Variants in C9orf85 observed in about 807,000 individuals in gnomAD.
C9orf85 encodes the protein uncharacterized protein C9orf85.
In C9orf85, 16 loss-of-function variants were observed where a neutral mutation model predicts 14.9. The observed-to-expected ratio is 1.08, with a 90% CI of 0.73 to 1.63. C9orf85 has a LOEUF of 1.63. Among genes scored for constraint, C9orf85 ranks in the 40% most tolerant of loss-of-function variants. The pLI, the probability that C9orf85 is intolerant of heterozygous loss-of-function variation, is 0.00. For missense variants in C9orf85, 172 were observed against 186.1 expected, an observed-to-expected ratio of 0.92 and a Z score of 0.44; for synonymous variants, 45 against 56.8, an observed-to-expected ratio of 0.79 and a Z score of 0.93.
chr9:71,918,505 C>A (rs557179631), intron 1 of C9orf85: 1 of 1,201,256 alleles, frequency 8.3e-7, no homozygotes, highest in Non-Finnish European at 1.1e-6. Context: ...ACCCCCGCAT[C>A]GGTCCATGGC....
chr9:71,922,936 T>C (rs1827850637), intron 1 of C9orf85, among the ~76,000 whole-genome samples: 1 of 152,224 alleles, frequency 6.6e-6, no homozygotes, highest in African/African-American at 2.4e-5. Flanking sequence ...GAGACCAGCC[T>C]GGCCAACATA....
chr9:71,927,309 A>G (rs1394536516), intron 1 of C9orf85, among the ~76,000 whole-genome samples: 1 of 151,644 alleles, frequency 6.6e-6, no homozygotes, highest in Non-Finnish European at 1.5e-5. Flanking sequence ...GGTGTACTCC[A>G]GAATATAAAA....
intron 1 of C9orf85, among the ~76,000 whole-genome samples, chr9:71,926,054 A>G (rs1404817571): frequency 6.6e-6 from 1 of 152,222 alleles, no homozygotes; most frequent in African/African-American, 2.4e-5. Flanking sequence ...CTTAGAAGCA[A>G]AATGCTTCCT....
chr9:71,983,126 G>C (rs1823133800), exon 4 of C9orf85: 1 of 152,138 alleles, frequency 6.6e-6, no homozygotes, highest in Non-Finnish European at 1.5e-5. Flanking sequence ...CTCCCGAGTA[G>C]CTGGGATTAC....
intron 2 of C9orf85, among the ~76,000 whole-genome samples, chr9:71,960,917 T>G (rs1488553519): frequency 7.3e-5 from 11 of 151,660 alleles, no homozygotes; most frequent in Non-Finnish European, 1.2e-4. Flanking sequence ...CAAATTGTTT[T>G]TTTTTTTTTT....
intron 1 of C9orf85, among the ~76,000 whole-genome samples, chr9:71,913,511 C>T (rs535596681): frequency 7.9e-5 from 12 of 152,280 alleles, no homozygotes; most frequent in Admixed American, 7.2e-4. Flanking sequence ...GCTCTCCTTT[C>T]CCCCACTTAG....
At chr9:71,963,516 C>T (rs1438747807) in intron 2 of C9orf85, among the ~76,000 whole-genome samples, 3 of 152,198 alleles carry the variant, frequency 2.0e-5, no homozygotes, top group East Asian at 1.9e-4. Context: ...AGCCAGCTCC[C>T]GCAGCTTGCA....
intron 3 of C9orf85, among the ~76,000 whole-genome samples, chr9:71,980,174 C>T (rs57863172): frequency 2.6e-5 from 4 of 151,880 alleles, no homozygotes; most frequent in Non-Finnish European, 4.4e-5. Flanking sequence ...CCACCATGCC[C>T]GGCTAATTTT....
intron 2 of C9orf85, among the ~76,000 whole-genome samples, chr9:71,961,773 T>G (rs189602721): frequency 1.6e-4 from 25 of 152,294 alleles, no homozygotes; most frequent in Middle Eastern, 3.4e-3. Context: ...GCCTCTCCAG[T>G]TCATGAGGAC....
chr9:71,972,313 G>A (rs561649309), intron 3 of C9orf85, among the ~76,000 whole-genome samples: 12 of 152,050 alleles, frequency 7.9e-5, no homozygotes, highest in Admixed American at 2.6e-4. Context: ...AGGCTAGAGT[G>A]CAATGGCACG....
At chr9:71,976,718 A>G (rs1166217166), downstream of C9orf85, among the ~76,000 whole-genome samples, 1 of 101,724 alleles carries the variant, frequency 9.8e-6, no homozygotes, top group African/African-American at 3.2e-5. Flanking sequence ...GGTCTGGAAT[A>G]TAGCCCAGGA....
downstream of C9orf85, among the ~76,000 whole-genome samples, chr9:71,975,659 C>T (rs555245974): frequency 8.2e-4 from 125 of 152,152 alleles, no homozygotes; most frequent in Non-Finnish European, 1.6e-3. Flanking sequence ...ACAGAGAAAC[C>T]CCATCTCTAC....
chr9:71,954,539 A>G (rs1822335424), intron 2 of C9orf85, among the ~76,000 whole-genome samples: 1 of 152,176 alleles, frequency 6.6e-6, no homozygotes, highest in African/African-American at 2.4e-5. Flanking sequence ...GATATGCTAA[A>G]CAAGGGGTGG....
intron 1 of C9orf85, among the ~76,000 whole-genome samples, chr9:71,937,750 T>A (rs1589254373): frequency 6.6e-6 from 1 of 152,262 alleles, no homozygotes; most frequent in East Asian, 1.9e-4. Flanking sequence ...TCACCTATAC[T>A]TTAGATATCT....
chr9:71,956,415 A>G (rs867482429), intron 2 of C9orf85, among the ~76,000 whole-genome samples: 1 of 151,768 alleles, frequency 6.6e-6, no homozygotes, highest in African/African-American at 2.4e-5. Context: ...ACGCTCAGCT[A>G]ATTTTGTATT....
chr9:71,944,152 T>G (rs1440060877), intron 1 of C9orf85, among the ~76,000 whole-genome samples: 1 of 151,346 alleles, frequency 6.6e-6, no homozygotes, highest in African/African-American at 2.4e-5. Flanking sequence ...GAGGATTGCA[T>G]GAACCCAGGA....
chr9:71,971,741 A>C (rs2132362046), intron 3 of C9orf85, 123 bp downstream of exon 3: 1 of 584,826 alleles, frequency 1.7e-6, no homozygotes, highest in African/African-American at 1.9e-5. Flanking sequence ...TGGGAGGCCA[A>C]GGCAGGTGGA....
intron 1 of C9orf85, among the ~76,000 whole-genome samples, chr9:71,915,545 G>T (rs1398418165): frequency 6.6e-6 from 1 of 152,022 alleles, no homozygotes; most frequent in Non-Finnish European, 1.5e-5. Context: ...AATTTATGTG[G>T]CCCTGCAGTT....
At chr9:71,918,564 G>T in intron 1 of C9orf85, 1 of 551,216 alleles carries the variant, frequency 1.8e-6, no homozygotes, top group Non-Finnish European at 3.0e-6. Context: ...AGGTGAGTGA[G>T]TTAAGCTTCA....
Sources: gnomAD v4.1 joint callset for allele counts (sites outside exome capture counted in the v4.1 genomes callset) on GRCh38, gnomAD v4.1.1 for gene constraint, MANE v1.5 for transcripts, NCBI Gene and HGNC (gene_info 2026-07-23, HGNC 2026-07-21) for gene names.